The following DLG2 variants were observed in gnomAD, a reference collection of about 807,000 sequenced individuals.
DLG2 encodes discs large MAGUK scaffold protein 2.
Under a neutral mutation model 132.5 loss-of-function variants are expected in DLG2, and 45 were observed. That is an observed-to-expected ratio of 0.34 (90% CI 0.27 to 0.44). The LOEUF (loss-of-function observed/expected upper bound fraction) is 0.44. Among genes scored for constraint, DLG2 ranks in the 20% least tolerant of loss-of-function variants. The pLI, the probability that DLG2 is intolerant of heterozygous loss-of-function variation, is 1.00. For missense variants in DLG2, 1,045 were observed against 1,196.9 expected (o/e 0.87, Z 1.87); for synonymous variants, 424 against 419.6 (o/e 1.01, Z -0.13).
chr11:85,375,374 C>T (rs532489454), intron 3 of DLG2, among the ~76,000 whole-genome samples: 1 of 152,226 alleles, frequency 6.6e-6, no homozygotes, highest in East Asian at 1.9e-4. Context: ...GATCAAACAC[C>T]CGAATCTAAA....
chr11:85,545,464 C>G (rs1473667895), intron 3 of DLG2, among the ~76,000 whole-genome samples: 1 of 152,054 alleles, frequency 6.6e-6, no homozygotes. Flanking sequence ...TTTGTTGTGT[C>G]TCTGTGAGGT....
intron 6 of DLG2, among the ~76,000 whole-genome samples, chr11:84,747,421 T>C (rs1165319009): frequency 6.6e-6 from 1 of 152,194 alleles, no homozygotes; most frequent in African/African-American, 2.4e-5. Context: ...TTAGTAATTT[T>C]GAGGCAGAAA....
At position 83,692,708 on chromosome 11, in the gene DLG2, T is replaced by A. The variant is rs554783235; in HGVS notation, c.1826-59383A>T. Among the ~76,000 whole-genome samples the A allele has an allele frequency of 4.6e-5, 7 of 152,338 alleles. No individual in the cohort carries two copies. The East Asian group carries it at 1.3e-3, about 29-fold the overall frequency. On this transcript the variant is annotated intron_variant, in intron 18 of 27. Coordinates refer to ENST00000376104, the MANE Select transcript of DLG2 (RefSeq NM_001142699.3). ...CACAAAACAAATGCTTTATAAATGT[T>A]AATTTTTGTCATTACTACTTTGAGG...
At chr11:83,473,817 A>G (rs2092350036) in intron 22 of DLG2, among the ~76,000 whole-genome samples, 1 of 152,128 alleles carries the variant, frequency 6.6e-6, no homozygotes, top group Non-Finnish European at 1.5e-5. Flanking sequence ...TTCAACAGCC[A>G]CAGCACCACA....
chr11:85,190,364 G>A (rs1309007091), intron 4 of DLG2, among the ~76,000 whole-genome samples: 1 of 151,982 alleles, frequency 6.6e-6, no homozygotes, highest in Non-Finnish European at 1.5e-5. Context: ...CTACAGATGT[G>A]TTAAGAGGAA....
intron 7 of DLG2, among the ~76,000 whole-genome samples, chr11:84,299,262 A>C (rs1042018490): frequency 2.6e-5 from 4 of 152,212 alleles, no homozygotes; most frequent in Non-Finnish European, 5.9e-5. Flanking sequence ...AAATCATTTA[A>C]ATCAGTAAGT....
At chr11:83,878,840 G>C (rs2065419777) in intron 15 of DLG2, among the ~76,000 whole-genome samples, 1 of 152,122 alleles carries the variant, frequency 6.6e-6, no homozygotes. Context: ...TCCCTAGTTA[G>C]GTAGCTTGGC....
At chr11:85,558,770 A>G (rs1476939972) in intron 3 of DLG2, among the ~76,000 whole-genome samples, 1 of 151,806 alleles carries the variant, frequency 6.6e-6, no homozygotes, top group East Asian at 1.9e-4. Flanking sequence ...GATGGCAACA[A>G]TAGACATTAG....
chr11:85,332,588 G>T (rs57239067), intron 3 of DLG2, among the ~76,000 whole-genome samples: 2 of 152,148 alleles, frequency 1.3e-5, no homozygotes, highest in Non-Finnish European at 1.5e-5. Context: ...TATAGTTTTA[G>T]ATCTTAAATA....
At chr11:85,200,450 A>G (rs1172871691) in intron 4 of DLG2, among the ~76,000 whole-genome samples, 2 of 152,162 alleles carry the variant, frequency 1.3e-5, no homozygotes, top group Non-Finnish European at 2.9e-5. Context: ...CATATCTCAC[A>G]GCCCAGGCAT....
intron 3 of DLG2, among the ~76,000 whole-genome samples, chr11:85,550,194 C>T (rs1290715655): frequency 6.6e-6 from 1 of 152,210 alleles, no homozygotes; most frequent in African/African-American, 2.4e-5. Flanking sequence ...AAGTATGATA[C>T]AAAAGGACGT....
At chr11:84,374,342 C>T (rs2098720664) in intron 7 of DLG2, among the ~76,000 whole-genome samples, 2 of 152,312 alleles carry the variant, frequency 1.3e-5, no homozygotes, top group African/African-American at 4.8e-5. Context: ...TCAACTGTCT[C>T]TCTGCTTTAA....
At chr11:85,391,633 A>T (rs935575151) in intron 3 of DLG2, among the ~76,000 whole-genome samples, 1 of 152,166 alleles carries the variant, frequency 6.6e-6, no homozygotes. Context: ...ATGGTTTAAC[A>T]TCCACAAGCC....
At chr11:84,400,272 C>A (rs767551073) in intron 7 of DLG2, among the ~76,000 whole-genome samples, 3 of 152,202 alleles carry the variant, frequency 2.0e-5, no homozygotes, top group Non-Finnish European at 4.4e-5. Context: ...TGATATATTA[C>A]ATCTACCCAA....
intron 6 of DLG2, among the ~76,000 whole-genome samples, chr11:84,919,102 G>T (rs1463800250): frequency 6.6e-6 from 1 of 151,998 alleles, no homozygotes; most frequent in Non-Finnish European, 1.5e-5. Context: ...TTTTAATTGA[G>T]CCCAATTTCT....
At chr11:84,462,346 T>A (rs993812582) in intron 7 of DLG2, among the ~76,000 whole-genome samples, 1 of 150,976 alleles carries the variant, frequency 6.6e-6, no homozygotes, top group Non-Finnish European at 1.5e-5. Flanking sequence ...ATACTAACAT[T>A]TTTTTAAAAA....
At chr11:85,108,582 T>A (rs1341390207) in intron 6 of DLG2, among the ~76,000 whole-genome samples, 1 of 151,998 alleles carries the variant, frequency 6.6e-6, no homozygotes, top group African/African-American at 2.4e-5. Context: ...TGAATTAAGG[T>A]ATTATCAAAT....
At chr11:84,707,166 G>A (rs562187213) in intron 6 of DLG2, among the ~76,000 whole-genome samples, 10 of 151,714 alleles carry the variant, frequency 6.6e-5, no homozygotes, top group African/African-American at 1.5e-4. Flanking sequence ...AGCTCCCCAA[G>A]CGAACACCTA....
intron 8 of DLG2, among the ~76,000 whole-genome samples, chr11:84,188,956 G>T (rs901800400): frequency 1.3e-5 from 2 of 152,158 alleles, no homozygotes; most frequent in Non-Finnish European, 2.9e-5. Context: ...TCACCAAAGA[G>T]TAGTAAGCTA....
Sources: allele counts gnomAD v4.1 joint callset (sites outside exome capture counted in the v4.1 genomes callset), GRCh38; gene constraint gnomAD v4.1.1; transcripts MANE v1.5; gene names NCBI Gene and HGNC (gene_info 2026-07-23, HGNC 2026-07-21).